Variants in CPQ observed in about 807,000 individuals in gnomAD.
CPQ encodes the protein Ser-Met dipeptidase.
In CPQ, 37 loss-of-function variants were observed where a neutral mutation model predicts 45.7. The ratio of observed to expected loss-of-function variants is 0.81; its 90% confidence interval spans 0.62 to 1.07. CPQ has a LOEUF of 1.07. Ranked by LOEUF, CPQ falls within the 50% of genes least tolerant of loss-of-function variation. CPQ has a pLI of 0.00. For synonymous variants in CPQ, 186 were observed against 205.8 expected, an observed-to-expected ratio of 0.90 and a Z score of 0.82; for missense variants, 537 against 572.9, an observed-to-expected ratio of 0.94 and a Z score of 0.64.
rs1810081762 is a variant in CPQ at position 97,039,774 on chromosome 8, A to G, written c.1053+10280A>G. 1.8e-4 allele frequency among the ~76,000 whole-genome samples: 27 copies of G among 152,168 alleles called. No individual in the cohort carries two copies. The South Asian group carries it at 5.6e-3, about 32-fold the overall frequency. On this transcript the variant is annotated intron_variant, in intron 6 of 7. Coordinates refer to ENST00000220763, the MANE Select transcript of CPQ (RefSeq NM_016134.4). ...TTGCGATAGTTTACTGAGAATGATGATTTCCAGCTTCATCCATGTCCCTAC... is the reference window on the plus strand; with the variant it reads ...TTGCGATAGTTTACTGAGAATGATGGTTTCCAGCTTCATCCATGTCCCTAC...
At chr8:97,122,085 T>C (rs1025156369) in intron 7 of CPQ, among the ~76,000 whole-genome samples, 5 of 152,054 alleles carry the variant, frequency 3.3e-5, no homozygotes, top group African/African-American at 1.2e-4. Context: ...TATATGTAAA[T>C]GGAGTCCCAG....
intron 7 of CPQ, among the ~76,000 whole-genome samples, chr8:97,122,664 T>C (rs1442923028): frequency 6.6e-6 from 1 of 151,808 alleles, no homozygotes; most frequent in Non-Finnish European, 1.5e-5. Context: ...GGCACGCGGA[T>C]CATTGAGGTC....
intron 1 of CPQ, among the ~76,000 whole-genome samples, chr8:96,784,432 A>G (rs1488154144): frequency 6.6e-6 from 1 of 151,832 alleles, no homozygotes; most frequent in African/African-American, 2.4e-5. Context: ...TCAAAAACAG[A>G]TGACAGCTGA....
chr8:97,113,104 G>T (rs1258622399), intron 7 of CPQ, among the ~76,000 whole-genome samples: 1 of 152,194 alleles, frequency 6.6e-6, no homozygotes, highest in Non-Finnish European at 1.5e-5. Flanking sequence ...AGCCCATGGA[G>T]AAGACTGCGG....
intron 3 of CPQ, among the ~76,000 whole-genome samples, chr8:96,864,623 C>T (rs1174974078): frequency 6.6e-6 from 1 of 152,042 alleles, no homozygotes; most frequent in Non-Finnish European, 1.5e-5. Context: ...GGGTCACAAA[C>T]CAGGATAAGA....
chr8:97,025,443 G>A (rs141218349), intron 5 of CPQ, among the ~76,000 whole-genome samples: 104 of 152,252 alleles, frequency 6.8e-4, no homozygotes, highest in Non-Finnish European at 7.6e-4. Context: ...AGGCGTCTCT[G>A]GCAACTTCTA....
rs188845677 is a variant in CPQ at position 96,902,213 on chromosome 8, C to A, written c.849+22208C>A. On this transcript the variant is annotated intron_variant, in intron 4 of 7. Coordinates refer to ENST00000220763, the MANE Select transcript of CPQ (RefSeq NM_016134.4). Reference sequence around the variant, plus strand: ...GTGAAGGGGCCCCAAGCCAGAGAGCCCTATGTATAAAATTATACATGATTT... The same window carrying A: ...GTGAAGGGGCCCCAAGCCAGAGAGCACTATGTATAAAATTATACATGATTT... 3.0e-4 allele frequency among the ~76,000 whole-genome samples: 46 copies of A among 152,164 alleles called. No individual in the cohort carries two copies. The East Asian group carries it at 8.3e-3, about 27-fold the overall frequency.
At chr8:96,948,601 A>G (rs1216100630) in intron 4 of CPQ, among the ~76,000 whole-genome samples, 2 of 152,126 alleles carry the variant, frequency 1.3e-5, no homozygotes, top group Non-Finnish European at 2.9e-5. Context: ...GCACTTAAGA[A>G]AAATGTGTAT....
intron 6 of CPQ, among the ~76,000 whole-genome samples, chr8:97,044,022 T>C (rs201321039): frequency 2.0e-5 from 3 of 152,188 alleles, no homozygotes; most frequent in African/African-American, 2.4e-5. Flanking sequence ...TGAATCTGAA[T>C]GTTGGCCTGC....
intron 1 of CPQ, among the ~76,000 whole-genome samples, chr8:96,769,626 ATTT>A (rs34672966): frequency 4.1e-4 from 46 of 112,644 alleles, no homozygotes; most frequent in African/African-American, 8.4e-4. Flanking sequence ...TGTTTACTGG[ATTT>A]TTTTTTTTTT....
At chr8:96,942,748 T>C (rs1187642896) in intron 4 of CPQ, among the ~76,000 whole-genome samples, 1 of 152,168 alleles carries the variant, frequency 6.6e-6, no homozygotes, top group Non-Finnish European at 1.5e-5. Context: ...CATGCTCAGA[T>C]TCTGATTCAC....
intron 5 of CPQ, among the ~76,000 whole-genome samples, chr8:96,991,675 G>T (rs530013750): frequency 6.6e-6 from 1 of 152,044 alleles, no homozygotes; most frequent in African/African-American, 2.4e-5. Context: ...CTGCATAAGA[G>T]CAGGGTCTAT....
intron 4 of CPQ, among the ~76,000 whole-genome samples, chr8:96,886,922 T>C (rs1812313377): frequency 1.3e-5 from 2 of 152,212 alleles, no homozygotes; most frequent in African/African-American, 4.8e-5. Context: ...CAGAGTTTCC[T>C]TAGAGCACCC....
intron 6 of CPQ, among the ~76,000 whole-genome samples, chr8:97,041,699 T>C (rs1810128836): frequency 6.6e-6 from 1 of 152,172 alleles, no homozygotes; most frequent in African/African-American, 2.4e-5. Flanking sequence ...CATGGAGGGT[T>C]GTTGAATTTT....
At chr8:96,958,077 T>A (rs765870627) in intron 4 of CPQ, among the ~76,000 whole-genome samples, 1 of 151,800 alleles carries the variant, frequency 6.6e-6, no homozygotes, top group South Asian at 2.1e-4. Context: ...CTGGCCTCAA[T>A]TGATCCTCCC....
rs977725702 is a variant in CPQ at position 96,687,440 on chromosome 8, G to A, written c.-35+42038G>A. Among the ~76,000 whole-genome samples the A allele has an allele frequency of 4.0e-5, 6 of 151,814 alleles. No individual in the cohort carries two copies. The South Asian group carries it at 1.0e-3, about 26-fold the overall frequency. ...ATTGACCAGGCTGGTCTCGAACTTC[G>A]CCTCATGATCTGCCTGCCTCGGCCT... On this transcript the variant is annotated intron_variant, in intron 1 of 7. Coordinates refer to ENST00000220763, the MANE Select transcript of CPQ (RefSeq NM_016134.4).
chr8:96,980,948 G>T (rs1433246120), intron 5 of CPQ, among the ~76,000 whole-genome samples: 1 of 152,162 alleles, frequency 6.6e-6, no homozygotes, highest in East Asian at 1.9e-4. Context: ...TGCTCTCTCT[G>T]TGATGTCCTT....
intron 1 of CPQ, among the ~76,000 whole-genome samples, chr8:96,733,918 C>G (rs1809945352): frequency 6.6e-6 from 1 of 152,136 alleles, no homozygotes; most frequent in Admixed American, 6.5e-5. Flanking sequence ...TTCAGTTAGA[C>G]TATCTTCTTT....
At chr8:96,891,719 C>T (rs1485351483) in intron 4 of CPQ, among the ~76,000 whole-genome samples, 2 of 152,070 alleles carry the variant, frequency 1.3e-5, no homozygotes, top group Non-Finnish European at 2.9e-5. Context: ...ACATATTATC[C>T]CATTATCAAA....
Sources: gnomAD v4.1 joint callset for allele counts (sites outside exome capture counted in the v4.1 genomes callset) on GRCh38, gnomAD v4.1.1 for gene constraint, MANE v1.5 for transcripts, NCBI Gene and HGNC (gene_info 2026-07-23, HGNC 2026-07-21) for gene names.